Variants in AHI1 observed in about 807,000 individuals in gnomAD.
AHI1 encodes jouberin.
In AHI1, 123 loss-of-function variants were observed where a neutral mutation model predicts 149.3. The observed-to-expected ratio is 0.82, with a 90% CI of 0.71 to 0.96. AHI1 has a LOEUF of 0.96. AHI1 is among the 40% of genes least tolerant of loss of function. The pLI, the probability that AHI1 is intolerant of heterozygous loss-of-function variation, is 0.00. For missense variants in AHI1, 1,439 were observed against 1,422.7 expected (o/e 1.01, Z -0.18); for synonymous variants, 475 against 459.8 (o/e 1.03, Z -0.42).
intron 22 of AHI1, among the ~76,000 whole-genome samples, chr6:135,403,225 A>C (rs1177274768): frequency 6.6e-6 from 1 of 152,162 alleles, no homozygotes; most frequent in African/African-American, 2.4e-5. Flanking sequence ...AAAACTCTAA[A>C]ATCAGATAGT....
chr6:135,292,542 G>A (rs569824834), intron 27 of AHI1, among the ~76,000 whole-genome samples: 3 of 152,240 alleles, frequency 2.0e-5, no homozygotes, highest in South Asian at 2.1e-4. Context: ...AGCCACAGAC[G>A]ATGAAGATCT....
Position 135,366,292 on chromosome 6 carries a change from G to A in AHI1, c.3110-8105C>T, listed in dbSNP as rs114165377. ...CCTGGCTTTGGTATTACGGTGATAC[G>A]GGATTCATAGAATGATTTAGGAAAG... On this transcript the variant is annotated intron_variant, in intron 23 of 28. Transcript: ENST00000265602. 3.2e-3 allele frequency among the ~76,000 whole-genome samples: 489 copies of A among 151,850 alleles called. 3 individuals are homozygous for A. The highest frequency in any genetic ancestry group is 0.011 in the African/African-American group (462 of 41,406).
intron 20 of AHI1, among the ~76,000 whole-genome samples, chr6:135,418,554 C>T (rs1324303350): frequency 3.3e-5 from 5 of 151,898 alleles, no homozygotes; most frequent in East Asian, 3.8e-4. Context: ...GGAGGAAGGA[C>T]GGAGGAAATA....
chr6:135,462,585 G>A (rs1285394336), intron 8 of AHI1, among the ~76,000 whole-genome samples: 1 of 152,152 alleles, frequency 6.6e-6, no homozygotes, highest in East Asian at 1.9e-4. Flanking sequence ...TATCATTTTA[G>A]AGTTGAATTT....
intron 26 of AHI1, among the ~76,000 whole-genome samples, chr6:135,311,944 C>T (rs1170315252): frequency 6.6e-6 from 1 of 152,196 alleles, no homozygotes; most frequent in African/African-American, 2.4e-5. Flanking sequence ...ATGCTGCCAT[C>T]ACCCACTAAC....
intron 23 of AHI1, among the ~76,000 whole-genome samples, chr6:135,382,894 T>A (rs1361436690): frequency 1.9e-4 from 3 of 15,588 alleles, no homozygotes; most frequent in Admixed American, 2.5e-3. Flanking sequence ...GCAAAATTAG[T>A]AAAAAAAAAA....
Position 135,431,211 on chromosome 6 carries a change from AT to A in AHI1, c.2369del (p.Asn790IlefsTer14). On this transcript the variant is annotated frameshift_variant, in exon 17 of 29. Coordinates refer to ENST00000265602, the MANE Select transcript of AHI1 (RefSeq NM_001134831.2). LOFTEE classifies it high-confidence loss of function. The stretch of plus-strand genomic sequence containing the variant: ...AATATAAAATATGATTTTATACCTT[AT>A]TTATAGTCCAGTGGTGCACTGAATG... ...LEHSVHHWTI[N>X]KEIKETEFKG... The A allele has an allele frequency of 6.4e-7, 1 of 1,567,390 alleles. No homozygotes were observed. The highest frequency in any genetic ancestry group is 8.7e-7 in the Non-Finnish European group (1 of 1,149,068).
intron 3 of AHI1, among the ~76,000 whole-genome samples, chr6:135,494,361 G>A (rs1159592932): frequency 6.6e-6 from 1 of 152,190 alleles, no homozygotes; most frequent in East Asian, 1.9e-4. Flanking sequence ...CAGTCACTGA[G>A]CTTAGTATGG....
intron 25 of AHI1, among the ~76,000 whole-genome samples, chr6:135,320,502 G>A (rs1786650910): frequency 6.6e-6 from 1 of 152,080 alleles, no homozygotes; most frequent in Non-Finnish European, 1.5e-5. Context: ...TATTGCCCAG[G>A]CTGGTCTCAA....
chr6:135,300,136 C>T (rs534330831), intron 27 of AHI1, among the ~76,000 whole-genome samples: 6 of 151,926 alleles, frequency 3.9e-5, no homozygotes, highest in Non-Finnish European at 7.4e-5. Flanking sequence ...ACCAGCCTGG[C>T]CAACATGGTG....
intron 23 of AHI1, among the ~76,000 whole-genome samples, chr6:135,363,810 G>A (rs1794363994): frequency 1.3e-5 from 2 of 149,616 alleles, no homozygotes; most frequent in Admixed American, 1.3e-4. Context: ...TGGCCGGGCA[G>A]AGGGGCTCCT....
rs1183544187 is a variant in AHI1 at position 135,364,621 on chromosome 6, A to T, written c.3110-6434T>A. ...GGCACCATTGAGCACTGAGTGAACG[A>T]GACTCCGTCTGCAATCCCGGCACCT... On this transcript the variant is annotated intron_variant, in intron 23 of 28. Coordinates refer to ENST00000265602, the MANE Select transcript of AHI1 (RefSeq NM_001134831.2). Among the ~76,000 whole-genome samples, 110 of 151,918 alleles carry T rather than the reference A, an allele frequency of 7.2e-4. 1 individual carries two copies. Among genetic ancestry groups the T allele is most frequent in the African/African-American group, 2.5e-3 (104 of 41,356 alleles).
At chr6:135,381,411 T>C (rs368954803) in intron 23 of AHI1, among the ~76,000 whole-genome samples, 32 of 152,232 alleles carry the variant, frequency 2.1e-4, no homozygotes, top group African/African-American at 7.7e-4. Context: ...CACACCCACA[T>C]AGACATTAAT....
chr6:135,290,650 C>CA (rs1178149476), intron 27 of AHI1, 125 bp from the exon 28 acceptor site: 3 of 835,470 alleles, frequency 3.6e-6, no homozygotes, highest in Non-Finnish European at 5.9e-6. Flanking sequence ...GAGGATATGA[C>CA]AGAGAAAAAC....
In AHI1 at chr6:135,358,163, G is replaced by T; in HGVS notation, c.3134C>A (p.Pro1045His). 1 of 1,612,930 alleles carries T rather than the reference G, an allele frequency of 6.2e-7. No homozygotes were observed. Among genetic ancestry groups the T allele is most frequent in the East Asian group, 2.2e-5 (1 of 44,782 alleles). Residue 1045 changes from proline to histidine, a missense_variant, in exon 24 of 29, where the codon CCT (proline) becomes CAT (histidine). Pro to His is a moderately conservative substitution (Grantham distance 77). Transcript: ENST00000265602. Reference sequence around the variant, plus strand: ...TGCTGTATCTACCTGATGGTTACAAGGCTTTCTTTCTATGCTGATAATCCC... The same window carrying T: ...TGCTGTATCTACCTGATGGTTACAATGCTTTCTTTCTATGCTGATAATCCC... ...QTGIISIERKPCNHQVDTAPT... is the reference protein window; with the variant it reads ...QTGIISIERKHCNHQVDTAPT...
chr6:135,379,088 T>C lies in AHI1; in HGVS notation c.3109+15688A>G, dbSNP rs118113442. On this transcript the variant is annotated intron_variant, in intron 23 of 28. Coordinates refer to ENST00000265602, the MANE Select transcript of AHI1 (RefSeq NM_001134831.2). ...TCCTAGCACAGGGCTTGACTCATAGTAGGATATTTAATAAATGAGGTTCAA... is the reference window on the plus strand; with the variant it reads ...TCCTAGCACAGGGCTTGACTCATAGCAGGATATTTAATAAATGAGGTTCAA... Among the ~76,000 whole-genome samples, 1,453 of 152,318 alleles carry C rather than the reference T, an allele frequency of 9.5e-3. 11 individuals carry two copies. The highest frequency in any genetic ancestry group is 0.017 in the Non-Finnish European group (1,139 of 68,026).
At chr6:135,488,724 G>A (rs1014232281) in intron 5 of AHI1, among the ~76,000 whole-genome samples, 12 of 151,930 alleles carry the variant, frequency 7.9e-5, no homozygotes, top group Admixed American at 2.6e-4. Flanking sequence ...TTTTTTCCTC[G>A]CTTAATTTTA....
intron 11 of AHI1, 109 bp from the exon 12 acceptor site, chr6:135,448,584 G>T: frequency 1.2e-6 from 1 of 858,112 alleles, no homozygotes; most frequent in Non-Finnish European, 1.6e-6. Flanking sequence ...ATGGCATGCT[G>T]AAATTTCTTA....
chr6:135,490,770 AT>A (rs1311555221), intron 4 of AHI1, 23 bp from the exon 5 acceptor site: 1 of 1,609,942 alleles, frequency 6.2e-7, no homozygotes, highest in Non-Finnish European at 8.5e-7. Flanking sequence ...CAGCCATGTG[AT>A]TTTGTAAATG....
Sources: allele counts gnomAD v4.1 joint callset (sites outside exome capture counted in the v4.1 genomes callset), GRCh38; gene constraint gnomAD v4.1.1; transcripts MANE v1.5; gene names NCBI Gene and HGNC (gene_info 2026-07-23, HGNC 2026-07-21).